GALNT13: variants seen among roughly 807,000 people sequenced by gnomAD.
The protein encoded by GALNT13 is UDP-GalNAc:polypeptide N-acetylgalactosaminyltransferase 13.
In GALNT13, 28 loss-of-function variants were observed where a neutral mutation model predicts 64.2. The ratio of observed to expected loss-of-function variants is 0.44; its 90% CI spans 0.32 to 0.60. The LOEUF (loss-of-function observed/expected upper bound fraction) is 0.60, where lower values mean the gene tolerates loss of function less well. GALNT13 is among the 20% of genes least tolerant of loss of function. The pLI, the probability that GALNT13 is intolerant of heterozygous loss-of-function variation, is 0.05. For synonymous variants in GALNT13, 214 were observed against 224.6 expected (o/e 0.95, Z 0.42); for missense variants, 577 against 669.8 (o/e 0.86, Z 1.53).
the GALNT13 span, among the ~76,000 whole-genome samples, chr2:153,660,065 T>G: frequency 6.6e-6 from 1 of 152,122 alleles, no homozygotes; most frequent in Non-Finnish European, 1.5e-5. Flanking sequence ...ACATATATTA[T>G]AGTGACAAAG....
At chr2:153,144,210 A>G in the GALNT13 span, among the ~76,000 whole-genome samples, 1 of 152,112 alleles carries the variant, frequency 6.6e-6, no homozygotes, top group African/African-American at 2.4e-5. Context: ...TTTGCCTTGA[A>G]GTAATTCAGA....
the GALNT13 span, among the ~76,000 whole-genome samples, chr2:153,318,265 A>G: frequency 6.6e-6 from 1 of 152,096 alleles, no homozygotes; most frequent in South Asian, 2.1e-4. Flanking sequence ...TATTCATGTG[A>G]TTGGCGTGGA....
At chr2:154,229,356 T>G (rs1688795048) in intron 4 of GALNT13, among the ~76,000 whole-genome samples, 1 of 150,830 alleles carries the variant, frequency 6.6e-6, no homozygotes, top group Non-Finnish European at 1.5e-5. Flanking sequence ...TATGTAATTT[T>G]ATATATATAT....
chr2:153,285,047 A>G, the GALNT13 span, among the ~76,000 whole-genome samples: 1 of 151,982 alleles, frequency 6.6e-6, no homozygotes, highest in Non-Finnish European at 1.5e-5. Context: ...AAAAAAAAAA[A>G]AAAGAGGTTT....
chr2:153,205,147 A>G, the GALNT13 span, among the ~76,000 whole-genome samples: 1 of 150,384 alleles, frequency 6.6e-6, no homozygotes, highest in Non-Finnish European at 1.5e-5. Context: ...CTGCAAGTCT[A>G]CCTCACTATT....
the GALNT13 span, among the ~76,000 whole-genome samples, chr2:153,628,311 T>C: frequency 1.3e-5 from 2 of 152,008 alleles, no homozygotes; most frequent in African/African-American, 4.8e-5. Flanking sequence ...TTTGACTTCC[T>C]CTTTTCCTAA....
intron 9 of GALNT13, among the ~76,000 whole-genome samples, chr2:154,326,019 C>G (rs1294591778): frequency 1.3e-5 from 2 of 152,066 alleles, no homozygotes; most frequent in Non-Finnish European, 2.9e-5. Context: ...GTGCTCATCC[C>G]CTTGTATTCA....
At chr2:153,827,382 G>A in the GALNT13 span, among the ~76,000 whole-genome samples, 21 of 152,078 alleles carry the variant, frequency 1.4e-4, no homozygotes, top group African/African-American at 3.9e-4. Context: ...CCAGCACTTC[G>A]GGAGGCCGAG....
At chr2:153,999,082 G>A (rs751456227) in intron 3 of GALNT13, among the ~76,000 whole-genome samples, 14 of 152,060 alleles carry the variant, frequency 9.2e-5, no homozygotes, top group African/African-American at 3.1e-4. Context: ...AAAAGAGCCC[G>A]CATAGCCAAG....
At chr2:153,180,915 A>G in the GALNT13 span, among the ~76,000 whole-genome samples, 2 of 151,498 alleles carry the variant, frequency 1.3e-5, no homozygotes, top group African/African-American at 4.8e-5. Flanking sequence ...ATTTTTTCTT[A>G]GTCGAGCTAA....
chr2:153,565,815 T>C, the GALNT13 span, among the ~76,000 whole-genome samples: 1 of 152,118 alleles, frequency 6.6e-6, no homozygotes, highest in Non-Finnish European at 1.5e-5. Flanking sequence ...ATATATATGA[T>C]CTGAAATTAT....
At chr2:153,252,553 A>G in the GALNT13 span, among the ~76,000 whole-genome samples, 10 of 151,664 alleles carry the variant, frequency 6.6e-5, no homozygotes, top group African/African-American at 2.2e-4. Flanking sequence ...GCCCATGCCT[A>G]TGTCCTGAAT....
the GALNT13 span, among the ~76,000 whole-genome samples, chr2:153,196,774 C>T: frequency 7.9e-5 from 12 of 151,948 alleles, no homozygotes; most frequent in Admixed American, 2.6e-4. Context: ...GGGTGGTGGG[C>T]TCCAGGGGCT....
chr2:153,727,740 AACTTTT>A, the GALNT13 span, among the ~76,000 whole-genome samples: 3 of 143,854 alleles, frequency 2.1e-5, no homozygotes, highest in Non-Finnish European at 3.0e-5. Flanking sequence ...TTTTTTTTTT[AACTTTT>A]ACTTTAAGTT....
intron 4 of GALNT13, among the ~76,000 whole-genome samples, chr2:154,233,402 C>G (rs946189350): frequency 3.3e-5 from 5 of 152,102 alleles, no homozygotes; most frequent in African/African-American, 1.2e-4. Context: ...ATATAATAGT[C>G]CTATGAAGCA....
At chr2:153,179,542 T>A in the GALNT13 span, among the ~76,000 whole-genome samples, 15 of 152,296 alleles carry the variant, frequency 9.8e-5, no homozygotes, top group East Asian at 2.9e-3. Flanking sequence ...AAGATTTTTG[T>A]GCTTTCATAT....
At chr2:153,971,221 A>G (rs1015187172) in intron 3 of GALNT13, among the ~76,000 whole-genome samples, 1 of 152,170 alleles carries the variant, frequency 6.6e-6, no homozygotes, top group Admixed American at 6.5e-5. Flanking sequence ...GTGACTCAGT[A>G]TAGCCCACAT....
intron 11 of GALNT13, among the ~76,000 whole-genome samples, chr2:154,430,251 A>G (rs775366510): frequency 2.6e-5 from 4 of 152,328 alleles, no homozygotes; most frequent in Non-Finnish European, 4.4e-5. Context: ...AGTATTCACA[A>G]TTCTAGATAC....
the GALNT13 span, among the ~76,000 whole-genome samples, chr2:153,168,355 A>T: frequency 1.2e-4 from 18 of 152,324 alleles, no homozygotes; most frequent in Admixed American, 9.8e-4. Context: ...CTGGGTTGGA[A>T]TTCTTACTGT....
Sources: gnomAD v4.1 joint callset for allele counts (sites outside exome capture counted in the v4.1 genomes callset) on GRCh38, gnomAD v4.1.1 for gene constraint, MANE v1.5 for transcripts, NCBI Gene and HGNC (gene_info 2026-07-23, HGNC 2026-07-21) for gene names.